RAP1GAP2: variants seen among roughly 807,000 people sequenced by gnomAD.
RAP1GAP2 encodes rap1 GTPase-activating protein 2.
RAP1GAP2 carries 27 observed loss-of-function variants against 95.0 expected under a neutral mutation model. That is an observed-to-expected ratio of 0.28 (90% CI 0.21 to 0.39). The LOEUF (loss-of-function observed/expected upper bound fraction) is 0.39. RAP1GAP2 is among the 10% of genes least tolerant of loss of function. The pLI is 1.00. For missense variants in RAP1GAP2, 771 were observed against 970.0 expected (o/e 0.79, Z 2.72); for synonymous variants, 373 against 380.9 (o/e 0.98, Z 0.24).
At chr17:2,979,179 G>A (rs549116762) in intron 8 of RAP1GAP2, among the ~76,000 whole-genome samples, 12 of 152,262 alleles carry the variant, frequency 7.9e-5, no homozygotes, top group Non-Finnish European at 1.6e-4. Flanking sequence ...TTTTCATAAT[G>A]TGCTGAATGA....
chr17:2,942,416 GATT>G (rs2043531250), intron 3 of RAP1GAP2, among the ~76,000 whole-genome samples: 2 of 152,156 alleles, frequency 1.3e-5, no homozygotes, highest in African/African-American at 4.8e-5. Context: ...CTCATAGAAT[GATT>G]ACGTTTGGTC....
At chr17:2,853,146 C>T (rs2071949663) in intron 2 of RAP1GAP2, among the ~76,000 whole-genome samples, 1 of 152,094 alleles carries the variant, frequency 6.6e-6, no homozygotes, top group South Asian at 2.1e-4. Flanking sequence ...CATCCCAGCT[C>T]GGCGATCCTT....
chr17:2,817,972 G>A (rs1030408187), intron 2 of RAP1GAP2, among the ~76,000 whole-genome samples: 2 of 151,168 alleles, frequency 1.3e-5, no homozygotes, highest in Non-Finnish European at 2.9e-5. Context: ...GAGTAGCTGG[G>A]ACTACAGGTG....
At chr17:2,910,860 C>T (rs866026836) in intron 3 of RAP1GAP2, among the ~76,000 whole-genome samples, 63 of 152,220 alleles carry the variant, frequency 4.1e-4, no homozygotes, top group African/African-American at 1.4e-3. Context: ...CACCACACCC[C>T]GCTAATTTTT....
chr17:2,797,560 G>T lies in RAP1GAP2; in HGVS notation c.44+989G>T, dbSNP rs748396434. On this transcript the variant is annotated intron_variant, in intron 1 of 24. Transcript: ENST00000254695. This position sits in a 1 kb window ranked among gnomAD's most constrained non-coding sequence, Gnocchi z 5.6. ...GGGGTGGCACGAAGGGCGAGGGGGA[G>T]AGGGGCTGTGTTCCTCGGTAATTTT... 1.6e-5 allele frequency: 5 copies of T among 313,170 alleles called. No homozygotes were observed. The highest frequency in any genetic ancestry group is 2.3e-5 in the Non-Finnish European group (5 of 215,534). The allele number at this position is 313,170 out of a possible 1,614,324, so 19.4% of individuals were successfully genotyped here. A position where few individuals can be genotyped will look rare whatever the true frequency, so the allele number is the denominator to read the frequency against.
intron 3 of RAP1GAP2, among the ~76,000 whole-genome samples, chr17:2,918,068 T>G (rs1425548075): frequency 4.0e-5 from 6 of 151,458 alleles, no homozygotes; most frequent in Non-Finnish European, 7.4e-5. Context: ...AGTTTCCTCA[T>G]TTGTAGAATA....
At chr17:2,864,856 A>G (rs113577509) in intron 2 of RAP1GAP2, among the ~76,000 whole-genome samples, 47 of 152,290 alleles carry the variant, frequency 3.1e-4, no homozygotes, top group African/African-American at 1.1e-3. Context: ...GACAGAAGTT[A>G]TGGGAGGCTG....
rs549645935 is a variant in RAP1GAP2 at position 2,758,102 on chromosome 17, C to T, written c.50+2335C>T. 9.3e-4 allele frequency among the ~76,000 whole-genome samples: 139 copies of T among 149,732 alleles called. 1 individual carries two copies. Among genetic ancestry groups the T allele is most frequent in the Non-Finnish European group, 1.8e-3 (125 of 67,586 alleles). On this transcript the variant is annotated intron_variant, in intron 1 of 25. Coordinates refer to the RAP1GAP2 transcript ENST00000637138. Reference sequence around the variant, plus strand: ...GCCCGGATGGTGTCGATCTCCTGACCTCATGATCCGCCCGCCTTGGCCTCT... The same window carrying T: ...GCCCGGATGGTGTCGATCTCCTGACTTCATGATCCGCCCGCCTTGGCCTCT...
chr17:2,843,658 G>T (rs190434183), intron 2 of RAP1GAP2, among the ~76,000 whole-genome samples: 3 of 152,070 alleles, frequency 2.0e-5, no homozygotes, highest in African/African-American at 7.2e-5. Flanking sequence ...TACCTTGCAG[G>T]GTGGGGCGGG....
chr17:2,928,483 G>A (rs375617958), intron 3 of RAP1GAP2, among the ~76,000 whole-genome samples: 1 of 152,256 alleles, frequency 6.6e-6, no homozygotes, highest in Non-Finnish European at 1.5e-5. Context: ...GTGGGAAGGT[G>A]TGGGAGGGAC....
At position 2,757,524 on chromosome 17, in the gene RAP1GAP2, C is replaced by T. The variant is rs117157555; in HGVS notation, c.50+1757C>T. Among the ~76,000 whole-genome samples, 453 of 152,148 alleles carry T rather than the reference C, an allele frequency of 3.0e-3. 2 individuals carry two copies. The highest frequency in any genetic ancestry group is 5.4e-3 in the Non-Finnish European group (367 of 68,006). ...CATCGCCCGACCACAGCGCCTGGCT[C>T]AAGTATGGGTGTGTGACCTAGGTCA... On this transcript the variant is annotated intron_variant, in intron 1 of 25. Coordinates refer to the RAP1GAP2 transcript ENST00000637138.
intron 2 of RAP1GAP2, among the ~76,000 whole-genome samples, chr17:2,851,585 A>G (rs114990066): frequency 0.043 from 6,559 of 152,190 alleles, 288 homozygotes; most frequent in East Asian, 0.12. Context: ...CTCAGGAGTC[A>G]GGGGCTGAGA....
At chr17:2,838,476 T>C (rs1423618917) in intron 2 of RAP1GAP2, among the ~76,000 whole-genome samples, 1 of 152,026 alleles carries the variant, frequency 6.6e-6, no homozygotes, top group East Asian at 1.9e-4. Context: ...GGACTTGCTC[T>C]TTGGAGAGTT....
intron 3 of RAP1GAP2, among the ~76,000 whole-genome samples, chr17:2,909,857 T>C (rs1331624873): frequency 6.6e-6 from 1 of 151,852 alleles, no homozygotes; most frequent in Admixed American, 6.6e-5. Flanking sequence ...GGTCCTTCTG[T>C]GGTTGGGGTT....
Position 2,886,135 on chromosome 17 carries a change from ATGTGTG to A in RAP1GAP2, c.81-19127_81-19122del, listed in dbSNP as rs140784056. 6.1e-3 allele frequency among the ~76,000 whole-genome samples: 796 copies of A among 130,500 alleles called. 6 individuals are homozygous for A. The highest frequency in any genetic ancestry group is 8.7e-3 in the Non-Finnish European group (544 of 62,584). 85.6% of individuals were successfully genotyped at this position (130,500 alleles called of 152,430 possible). A position where few individuals can be genotyped will look rare whatever the true frequency, so the allele number is the denominator to read the frequency against. On this transcript the variant is annotated intron_variant, in intron 2 of 24. Coordinates refer to ENST00000254695, the MANE Select transcript of RAP1GAP2 (RefSeq NM_015085.5). ...TTTTTTTCCCAATGAATATGTATTT[ATGTGTG>A]TGTGTGTGTGTGTGTGTGTGTATAT...
intron 3 of RAP1GAP2, among the ~76,000 whole-genome samples, chr17:2,909,173 G>T (rs941896293): frequency 6.6e-6 from 1 of 152,116 alleles, no homozygotes; most frequent in East Asian, 1.9e-4. Context: ...TCCTGAGGCG[G>T]CACCTCGAGG....
intron 10 of RAP1GAP2, 117 bp from the exon 11 acceptor site, chr17:2,984,866 G>A: frequency 6.6e-7 from 1 of 1,516,784 alleles, no homozygotes; most frequent in Non-Finnish European, 8.8e-7. Flanking sequence ...GTATGTGGAT[G>A]TTTCATACCA....
intron 11 of RAP1GAP2, among the ~76,000 whole-genome samples, chr17:2,986,251 A>T (rs2045553963): frequency 6.6e-6 from 1 of 152,200 alleles, no homozygotes; most frequent in Non-Finnish European, 1.5e-5. Flanking sequence ...AGAGTTTAGG[A>T]TCTGCAAGAC....
At chr17:2,981,616 G>A (rs547155679) in intron 10 of RAP1GAP2, among the ~76,000 whole-genome samples, 3 of 152,130 alleles carry the variant, frequency 2.0e-5, no homozygotes, top group Non-Finnish European at 4.4e-5. Context: ...ACAGAGGGGC[G>A]GGAAGTACAG....
Sources: allele counts gnomAD v4.1 joint callset (sites outside exome capture counted in the v4.1 genomes callset), GRCh38; gene constraint gnomAD v4.1.1; non-coding constraint Gnocchi (gnomAD v3.1); transcripts MANE v1.5; gene names NCBI Gene and HGNC (gene_info 2026-07-23, HGNC 2026-07-21).